The following ATP13A3 variants were observed in gnomAD, a reference collection of about 807,000 sequenced individuals.
ATP13A3 encodes ATPase 13A3.
Under a neutral mutation model 158.1 loss-of-function variants are expected in ATP13A3, and 59 were observed. That is an observed-to-expected ratio of 0.37 (90% CI 0.30 to 0.46). ATP13A3 has a LOEUF of 0.46. Ranked by LOEUF, ATP13A3 falls within the 20% of genes least tolerant of loss-of-function variation. The pLI, the probability that ATP13A3 is intolerant of heterozygous loss-of-function variation, is 1.00. For synonymous variants in ATP13A3, 491 were observed against 504.3 expected (o/e 0.97, Z 0.35); for missense variants, 1,166 against 1,525.2 (o/e 0.76, Z 3.92).
intron 17 of ATP13A3, 43 bp from the exon 18 acceptor site, chr3:194,437,616 CT>C: frequency 6.5e-7 from 1 of 1,535,248 alleles, no homozygotes; most frequent in African/African-American, 1.4e-5. Flanking sequence ...CAGATTAACT[CT>C]ATTAACACAC....
intron 2 of ATP13A3, among the ~76,000 whole-genome samples, chr3:194,477,020 C>T (rs1235253907): frequency 1.3e-5 from 2 of 152,182 alleles, no homozygotes; most frequent in Admixed American, 6.5e-5. Flanking sequence ...GGTTATCACT[C>T]GCCCCTTACA....
chr3:194,413,955 C>T, intron 31 of ATP13A3, 116 bp from the exon 32 acceptor site: 2 of 828,702 alleles, frequency 2.4e-6, no homozygotes, highest in Non-Finnish European at 4.1e-6. Context: ...CCTTCATATA[C>T]ATTATCTACT....
rs1438953424 is a variant in ATP13A3 at position 194,459,275 on chromosome 3, G to T, written c.479+196C>A. 7.3e-5 allele frequency: 40 copies of T among 544,870 alleles called. No individual in the cohort carries two copies. The South Asian group carries it at 8.6e-4, about 12-fold the overall frequency. The allele number at this position is 544,870 out of a possible 1,614,324, so 33.8% of individuals were successfully genotyped here. A position where few individuals can be genotyped will look rare whatever the true frequency, so the allele number is the denominator to read the frequency against. On this transcript the variant is annotated intron_variant, in intron 6 of 33. Coordinates refer to ENST00000645319, the MANE Select transcript of ATP13A3 (RefSeq NM_001367549.1). The stretch of plus-strand genomic sequence containing the variant: ...TAAGTTTCATGTAAACTCTGCCATG[G>T]TGCAAGCTGCGGTGGGACTTATTTT...
chr3:194,462,647 G>A (rs1044675874), intron 2 of ATP13A3, among the ~76,000 whole-genome samples: 12 of 152,148 alleles, frequency 7.9e-5, no homozygotes, highest in Admixed American at 3.9e-4. Flanking sequence ...TTATACCATC[G>A]AAGTGTTCTT....
At chr3:194,435,224 T>C (rs768369666) in intron 20 of ATP13A3, among the ~76,000 whole-genome samples, 4 of 152,196 alleles carry the variant, frequency 2.6e-5, no homozygotes, top group Non-Finnish European at 4.4e-5. Flanking sequence ...GGAAAAAGCC[T>C]TGAAACCTGA....
intron 10 of ATP13A3, 117 bp from the exon 11 acceptor site, chr3:194,450,393 T>C (rs191850537): frequency 4.2e-5 from 43 of 1,016,608 alleles, no homozygotes; most frequent in Non-Finnish European, 5.5e-5. Context: ...TGGGGTAAAA[T>C]AGAAAAATCC....
upstream of ATP13A3, chr3:194,487,458 A>G (rs1444219768): frequency 6.6e-6 from 1 of 152,260 alleles, no homozygotes; most frequent in East Asian, 1.9e-4. Flanking sequence ...TCCTTTAGCC[A>G]CCCTCGCCCC....
At chr3:194,409,697 T>TTTTTTTTTTTTTTTA (rs1715212422) in intron 33 of ATP13A3, among the ~76,000 whole-genome samples, 1 of 127,388 alleles carries the variant, frequency 7.9e-6, no homozygotes, top group Non-Finnish European at 1.6e-5. Flanking sequence ...TAAAGAATTT[T>TTTTTTTTTTTTTTTA]TTTTTTTTTT....
chr3:194,453,587 A>G lies in ATP13A3; in HGVS notation c.838+119T>C. The G allele has an allele frequency of 7.6e-6, 6 of 791,558 alleles. No homozygotes were observed. In the South Asian group the frequency reaches 1.1e-4, roughly 14 times the overall value. 49.0% of individuals were successfully genotyped at this position (791,558 alleles called of 1,614,324 possible). A position where few individuals can be genotyped will look rare whatever the true frequency, so the allele number is the denominator to read the frequency against. On this transcript the variant is annotated intron_variant, in intron 10 of 33. Transcript: ENST00000645319. ...GCACTCCAGCCTAAGTGACAGAGAC[A>G]CTGACTCAATCAATCAATCAATCAA...
At chr3:194,433,431 G>A (rs910470917) in intron 21 of ATP13A3, among the ~76,000 whole-genome samples, 1 of 151,930 alleles carries the variant, frequency 6.6e-6, no homozygotes, top group South Asian at 2.1e-4. Context: ...TTTTAGTAGA[G>A]ACGGGGTTTC....
At position 194,493,472 on chromosome 3, in the gene ATP13A3, C is replaced by T. The variant is rs146274745; in HGVS notation, n.746+578G>A. Among the ~76,000 whole-genome samples, 258 of 152,062 alleles carry T rather than the reference C, an allele frequency of 1.7e-3. 2 individuals carry two copies. Among genetic ancestry groups the T allele is most frequent in the Middle Eastern group, 6.8e-3 (2 of 294 alleles). On this transcript the variant is annotated intron_variant and non_coding_transcript_variant, in intron 2 of 32. Transcript: ENST00000687055. ...GACCAGCCTGGCCAACATAATGAAA[C>T]CCCGTCTCTACCAAAAATACAAAAA...
At position 194,427,300 on chromosome 3, in the gene ATP13A3, T is replaced by C. The variant is rs150154843; in HGVS notation, c.2948-48A>G. 4.4e-4 allele frequency: 656 copies of C among 1,502,048 alleles called. 5 individuals are homozygous for C. In the African/African-American group the frequency reaches 7.8e-3, roughly 18 times the overall value. 93.0% of individuals were successfully genotyped at this position (1,502,048 alleles called of 1,614,324 possible). A position where few individuals can be genotyped will look rare whatever the true frequency, so the allele number is the denominator to read the frequency against. ...AAAGGTTTGTATTTACATTAATCTA[T>C]CACTATATAAGGCATAACTAGATTC... On this transcript the variant is annotated intron_variant, in intron 28 of 33. Coordinates refer to ENST00000645319, the MANE Select transcript of ATP13A3 (RefSeq NM_001367549.1).
At position 194,437,319 on chromosome 3, in the gene ATP13A3, G is replaced by C; in HGVS notation, c.1991C>G (p.Pro664Arg). ...APEAIAGLCK[P>R]ETVPVDFQNV... ...CATAGATATTTCCTTACCTGTTTCA[G>C]GTTTACAGAGACCGGCAATGGCCTC... Residue 664 changes from proline (P) to arginine (R), a missense_variant, in exon 19 of 34, where the codon CCT (proline) becomes CGT (arginine). Transcript: ENST00000645319. The C allele has an allele frequency of 6.2e-7, 1 of 1,614,192 alleles. No individual in the cohort carries two copies. Among genetic ancestry groups the C allele is most frequent in the South Asian group, 1.1e-5 (1 of 91,080 alleles).
intron 20 of ATP13A3, among the ~76,000 whole-genome samples, chr3:194,436,070 C>T (rs1717615414): frequency 6.6e-6 from 1 of 151,860 alleles, no homozygotes; most frequent in Admixed American, 6.6e-5. Context: ...AATATTATAC[C>T]CATTTGTGGT....
At chr3:194,437,497 A>C (rs371366034) in intron 18 of ATP13A3, 33 bp from the exon 19 acceptor site, 1 of 1,613,660 alleles carries the variant, frequency 6.2e-7, no homozygotes, top group Non-Finnish European at 8.5e-7. Flanking sequence ...CAAAGCACTT[A>C]ATATTCTTAA....
At position 194,404,089 on chromosome 3, in the gene ATP13A3, A is replaced by G; in HGVS notation, c.*1830T>C. ...GTGGAAATCACTGAAGAATAACACG[A>G]GCATATTTGAAATTAATATGGAAAT... On this transcript the variant is annotated 3_prime_UTR_variant, in exon 34 of 34. Transcript: ENST00000645319. 2.2e-6 allele frequency: 1 copy of G among 452,198 alleles called. No homozygotes were observed. Among genetic ancestry groups the G allele is most frequent in the South Asian group, 1.6e-5 (1 of 63,548 alleles). The allele number at this position is 452,198 out of a possible 1,614,324, so 28.0% of individuals were successfully genotyped here.
At position 194,465,952 on chromosome 3, in the gene ATP13A3, A is replaced by G. The variant is rs559782388; in HGVS notation, c.-46-3716T>C. On this transcript the variant is annotated intron_variant, in intron 2 of 33. Transcript: ENST00000645319. ...AGCCAAGATCACGCCACTGCACTCC[A>G]GCCTAGGCAACACAGTGAGGCTCCA... 1.9e-3 allele frequency among the ~76,000 whole-genome samples: 287 copies of G among 152,212 alleles called. 2 individuals are homozygous for G. Among genetic ancestry groups the G allele is most frequent in the Non-Finnish European group, 3.3e-3 (224 of 68,004 alleles).
intron 2 of ATP13A3, among the ~76,000 whole-genome samples, chr3:194,471,608 C>T (rs151004956): frequency 1.3e-5 from 2 of 152,304 alleles, no homozygotes; most frequent in Admixed American, 6.5e-5. Context: ...CCCACCTCAG[C>T]CTCCCAAAGT....
intron 2 of ATP13A3, among the ~76,000 whole-genome samples, chr3:194,466,973 C>G (rs1031334902): frequency 4.6e-5 from 7 of 152,242 alleles, no homozygotes; most frequent in African/African-American, 1.7e-4. Flanking sequence ...AGTCCACTGA[C>G]TCAATCTACT....
Sources: gnomAD v4.1 joint callset for allele counts (sites outside exome capture counted in the v4.1 genomes callset) on GRCh38, gnomAD v4.1.1 for gene constraint, MANE v1.5 for transcripts, NCBI Gene and HGNC (gene_info 2026-07-23, HGNC 2026-07-21) for gene names.